The following ENDOU variants were observed in gnomAD, a reference collection of about 807,000 sequenced individuals.
ENDOU encodes the protein endonuclease, poly(U) specific.
ENDOU carries 49 observed loss-of-function variants against 54.2 expected under a neutral mutation model. The observed-to-expected ratio is 0.90, with a 90% CI of 0.72 to 1.15. The LOEUF is 1.15. Among genes scored for constraint, ENDOU ranks in the 50% most tolerant of loss-of-function variants. The pLI is 0.00. For missense variants in ENDOU, 458 were observed against 511.4 expected (o/e 0.90, Z 1.01); for synonymous variants, 172 against 190.5 (o/e 0.90, Z 0.80).
At chr12:47,717,478 T>G (rs1301327456) in intron 4 of ENDOU, 40 bp downstream of exon 4, 2 of 1,606,154 alleles carry the variant, frequency 1.2e-6, no homozygotes, top group East Asian at 4.5e-5. Flanking sequence ...TCTAAAGTCC[T>G]TCTGTCTCTG....
Position 47,720,798 on chromosome 12 carries a change from G to C in ENDOU, c.133C>G (p.Leu45Val). The change falls in exon 2 of 10, where the codon CTC (leucine) becomes GTC (valine). Residue 45 changes from leucine to valine, a missense_variant. Physicochemically the swap from Leu to Val is conservative, Grantham distance 32 (BLOSUM62 1). Transcript: ENST00000422538. ...DAACQCDRRC[L>V]WHGNCCEDYE... ...TCTTCACAGCAGTTCCCATGCCAGA[G>C]ACACCGGCGGTCACACTGGCAGGCA... 1 of 1,536,144 alleles carries C rather than the reference G, an allele frequency of 6.5e-7. No homozygotes were observed. The highest frequency in any genetic ancestry group is 8.7e-7 in the Non-Finnish European group (1 of 1,146,890).
At chr12:47,716,805 C>T (rs1940255220) in intron 5 of ENDOU, 85 bp downstream of exon 5, 4 of 1,410,774 alleles carry the variant, frequency 2.8e-6, no homozygotes, top group Non-Finnish European at 3.0e-6. Context: ...TCGTGCCTGA[C>T]TTGAGGATAA....
chr12:47,721,843 C>T (rs762185690), intron 1 of ENDOU, among the ~76,000 whole-genome samples: 5 of 152,146 alleles, frequency 3.3e-5, no homozygotes, highest in African/African-American at 7.2e-5. Context: ...ATTTCACGAA[C>T]GCTGGGTTCA....
intron 2 of ENDOU, among the ~76,000 whole-genome samples, chr12:47,718,733 T>G (rs1386362420): frequency 6.6e-6 from 1 of 152,140 alleles, no homozygotes; most frequent in East Asian, 1.9e-4. Context: ...TGCTGCCCCT[T>G]TCCCTTCACC....
chr12:47,722,655 ACT>A, intron 1 of ENDOU, among the ~76,000 whole-genome samples: 1 of 151,750 alleles, frequency 6.6e-6, no homozygotes, highest in Middle Eastern at 3.4e-3. Flanking sequence ...TCTAGCTGAC[ACT>A]CTCCCAGGGT....
chr12:47,715,011 A>G (rs1940176775), intron 6 of ENDOU, among the ~76,000 whole-genome samples: 1 of 152,318 alleles, frequency 6.6e-6, no homozygotes, highest in South Asian at 2.1e-4. Context: ...CAGGCTTTCT[A>G]CTGGGTGCTT....
chr12:47,716,996 A>G lies in ENDOU; in HGVS notation c.445T>C (p.Tyr149His). 6.2e-7 allele frequency: 1 copy of G among 1,614,098 alleles called. No homozygotes were observed. The highest frequency in any genetic ancestry group is 8.5e-7 in the Non-Finnish European group (1 of 1,179,952). ...TGGGCTTTGTTGGTGTCTGCCCTGT[A>G]GATCTTCTCAGAGATGCTCTGAATC... ...EEIQSISEKI[Y>H]RADTNKAQKE... The change falls in exon 5 of 10, where the codon TAC (tyrosine) becomes CAC (histidine). Residue 149 changes from tyrosine (Y) to histidine (H), a missense_variant. Physicochemically the swap from Tyr to His is moderately conservative, Grantham distance 83. Coordinates refer to ENST00000422538, the MANE Select transcript of ENDOU (RefSeq NM_001172439.2).
chr12:47,724,718 C>T (rs1234395554), intron 1 of ENDOU, among the ~76,000 whole-genome samples: 3 of 152,142 alleles, frequency 2.0e-5, no homozygotes, highest in Admixed American at 2.0e-4. Flanking sequence ...GAACATGGTC[C>T]TGTTCCTCTG....
rs138606184 is a variant in ENDOU, at chr12:47,716,476, T to G, written c.575A>C (p.Lys192Thr). 208 of 1,613,668 alleles carry G rather than the reference T, an allele frequency of 1.3e-4. No individual in the cohort carries two copies. The highest frequency in any genetic ancestry group is 1.7e-4 in the Non-Finnish European group (202 of 1,180,032). ...TGCATAGGTGGGCTTGGAGAACAGC[T>G]TCTCATTGACATAAGTGAAGAGTCT... ...PKPLFTYVNEKLFSKPTYAAF... is the reference protein window; with the variant it reads ...PKPLFTYVNETLFSKPTYAAF... The change falls in exon 6 of 10, where the codon AAG (lysine) becomes ACG (threonine). Residue 192 changes from lysine (K) to threonine (T), a missense_variant. Physicochemically the swap from Lys to Thr is moderately conservative, Grantham distance 78 (BLOSUM62 -1). Transcript: ENST00000422538.
intron 6 of ENDOU, among the ~76,000 whole-genome samples, chr12:47,713,950 G>T (rs1430064474): frequency 6.6e-6 from 1 of 152,240 alleles, no homozygotes; most frequent in Non-Finnish European, 1.5e-5. Flanking sequence ...TGGAGCAGGA[G>T]GGGAGAGTGG....
At chr12:47,725,319 G>C (rs139677217) in intron 1 of ENDOU, 40 bp downstream of exon 1, 1 of 1,609,388 alleles carries the variant, frequency 6.2e-7, no homozygotes, top group Non-Finnish European at 8.5e-7. Flanking sequence ...GCAAGATCCC[G>C]CCCCACCAGC....
chr12:47,725,408 C>T lies in ENDOU; in HGVS notation c.6G>A (p.Arg2=). 6.2e-7 allele frequency: 1 copy of T among 1,614,140 alleles called. No homozygotes were observed. Among genetic ancestry groups the T allele is most frequent in the Non-Finnish European group, 8.5e-7 (1 of 1,180,022 alleles). Residue 2 remains arginine, a synonymous_variant, in exon 1 of 10, where the codon AGG becomes AGA. Transcript: ENST00000422538. ...CGGCCAATACCAGGGAGATGCAGGCCCTCATGGTGCCCAGTTGGAGGCCAA... is the reference window on the plus strand; with the variant it reads ...CGGCCAATACCAGGGAGATGCAGGCTCTCATGGTGCCCAGTTGGAGGCCAA... The part of the protein sequence containing the change: M[R]ACISLVLAVL...
rs1940057804 is a variant in ENDOU, at chr12:47,712,394, A to G, written c.972+122T>C. Reference sequence around the variant, plus strand: ...GCTGTCTAGCAGGTGAGGACGTGATAGTCACAATCACCTGGGGCTGCCCCC... The same window carrying G: ...GCTGTCTAGCAGGTGAGGACGTGATGGTCACAATCACCTGGGGCTGCCCCC... On this transcript the variant is annotated intron_variant, in intron 8 of 9. Transcript: ENST00000422538. The G allele has an allele frequency of 1.1e-5, 8 of 702,674 alleles. No individual in the cohort carries two copies. In the South Asian group the frequency reaches 1.3e-4, roughly 11 times the overall value. The allele number at this position is 702,674 out of a possible 1,614,324, so 43.5% of individuals were successfully genotyped here. A position where few individuals can be genotyped will look rare whatever the true frequency, so the allele number is the denominator to read the frequency against.
In ENDOU at chr12:47,712,506, G is replaced by C. The variant is rs370852063; in HGVS notation, c.972+10C>G. 42 of 1,588,942 alleles carry C rather than the reference G, an allele frequency of 2.6e-5. No individual in the cohort carries two copies. The highest frequency in any genetic ancestry group is 5.2e-6 in the Non-Finnish European group (6 of 1,157,358). Reference sequence around the variant, plus strand: ...GGCTCTGACAAGGCTTTTCTAGTCCGTGTACTCACAGGCCCATCGTAGATG... The same window carrying C: ...GGCTCTGACAAGGCTTTTCTAGTCCCTGTACTCACAGGCCCATCGTAGATG... On this transcript the variant is annotated intron_variant, in intron 8 of 9. Transcript: ENST00000422538.
chr12:47,721,968 G>A (rs1177192293), intron 1 of ENDOU, among the ~76,000 whole-genome samples: 2 of 152,222 alleles, frequency 1.3e-5, no homozygotes, highest in Non-Finnish European at 2.9e-5. Flanking sequence ...GTTGGGGTTA[G>A]TTAGGTTAAG....
chr12:47,721,189 G>A (rs1339923809), intron 1 of ENDOU, among the ~76,000 whole-genome samples: 5 of 152,186 alleles, frequency 3.3e-5, no homozygotes, highest in African/African-American at 4.8e-5. Flanking sequence ...AATGGAGACC[G>A]TGACAAACTT....
In ENDOU at chr12:47,725,379, A is replaced by G. The variant is rs1024423627; in HGVS notation, c.35T>C (p.Leu12Pro). The G allele has an allele frequency of 6.2e-7, 1 of 1,614,108 alleles. No individual in the cohort carries two copies. Among genetic ancestry groups the G allele is most frequent in the African/African-American group, 1.3e-5 (1 of 74,936 alleles). Residue 12 changes from leucine to proline, a missense_variant, in exon 1 of 10, where the codon CTG becomes CCG. Leu to Pro is a moderately conservative substitution (Grantham distance 98, BLOSUM62 -3). Transcript: ENST00000422538. ...RACISLVLAV[L>P]CGLAWAGKIE... ...CTTACCAGCCCAGGCCAGGCCACAC[A>G]GCACGGCCAATACCAGGGAGATGCA...
chr12:47,715,406 G>A (rs75920922), intron 6 of ENDOU, among the ~76,000 whole-genome samples: 201 of 152,298 alleles, frequency 1.3e-3, no homozygotes, highest in African/African-American at 4.4e-3. Flanking sequence ...TCTGGCCTCC[G>A]TTTCTCTCAT....
At chr12:47,723,177 A>G (rs554505899) in intron 1 of ENDOU, among the ~76,000 whole-genome samples, 2 of 152,338 alleles carry the variant, frequency 1.3e-5, no homozygotes, top group African/African-American at 4.8e-5. Flanking sequence ...CGCCGGCCCA[A>G]GCTGAGTGGG....
Sources: gnomAD v4.1 joint callset for allele counts (sites outside exome capture counted in the v4.1 genomes callset) on GRCh38, gnomAD v4.1.1 for gene constraint, MANE v1.5 for transcripts, NCBI Gene and HGNC (gene_info 2026-07-23, HGNC 2026-07-21) for gene names.